Variants in ODAD2 observed in about 807,000 individuals in gnomAD.
ODAD2 encodes outer dynein arm docking complex subunit 2.
ODAD2 carries 89 observed loss-of-function variants against 106.8 expected under a neutral mutation model. That is an observed-to-expected ratio of 0.83 (90% CI 0.70 to 0.99). ODAD2 has a LOEUF of 0.99. ODAD2 is among the 50% of genes least tolerant of loss of function. The probability of loss-of-function intolerance (pLI) is 0.00; values close to 1 mark genes in which losing one functional copy is unlikely to be tolerated. For synonymous variants in ODAD2, 404 were observed against 436.2 expected, an observed-to-expected ratio of 0.93 and a Z score of 0.92; for missense variants, 1,168 against 1,238.5, an observed-to-expected ratio of 0.94 and a Z score of 0.85.
At chr10:27,977,002 C>A (rs1849232335) in intron 7 of ODAD2, among the ~76,000 whole-genome samples, 1 of 151,944 alleles carries the variant, frequency 6.6e-6, no homozygotes, top group Non-Finnish European at 1.5e-5. Flanking sequence ...AATAGATTTA[C>A]TTTTGACAAA....
intron 10 of ODAD2, among the ~76,000 whole-genome samples, chr10:27,946,073 T>C (rs1002752467): frequency 2.0e-5 from 3 of 149,178 alleles, no homozygotes; most frequent in Non-Finnish European, 3.0e-5. Context: ...AAACATTGTC[T>C]ATTTTATAAA....
At chr10:27,813,272 C>T (rs1329799117) in intron 19 of ODAD2, 2 of 152,222 alleles carry the variant, frequency 1.3e-5, no homozygotes, top group African/African-American at 4.8e-5. Context: ...TCAAAACAGA[C>T]CTAGCCAACT....
At chr10:27,896,522 T>C (rs1297916392) in intron 17 of ODAD2, among the ~76,000 whole-genome samples, 1 of 152,176 alleles carries the variant, frequency 6.6e-6, no homozygotes, top group Non-Finnish European at 1.5e-5. Flanking sequence ...CTGGATAAAA[T>C]AAGGAGGTGC....
At chr10:27,961,164 T>G (rs1848110378) in intron 10 of ODAD2, among the ~76,000 whole-genome samples, 1 of 152,194 alleles carries the variant, frequency 6.6e-6, no homozygotes, top group Non-Finnish European at 1.5e-5. Context: ...TTCTATGGGT[T>G]GAGAAAATTA....
At chr10:27,939,438 G>A (rs970501098) in intron 14 of ODAD2, among the ~76,000 whole-genome samples, 6 of 152,108 alleles carry the variant, frequency 3.9e-5, no homozygotes, top group Admixed American at 1.3e-4. Flanking sequence ...AATGCAGGCC[G>A]GGCACGGTGG....
In ODAD2 at chr10:27,872,533, A is replaced by G. The variant is rs181938708; in HGVS notation, c.2611-9911T>C. 8.0e-3 allele frequency among the ~76,000 whole-genome samples: 1,212 copies of G among 150,882 alleles called. 21 individuals are homozygous for G. Among genetic ancestry groups the G allele is most frequent in the African/African-American group, 0.028 (1,121 of 40,258 alleles). ...TTATTATTTTGAGATACGTCCCATC[A>G]ATACCTAATTTATTGAGAGTTTTTA... On this transcript the variant is annotated intron_variant, in intron 17 of 19. Transcript: ENST00000305242.
At chr10:27,878,098 T>G (rs1412049771) in intron 17 of ODAD2, among the ~76,000 whole-genome samples, 1 of 152,002 alleles carries the variant, frequency 6.6e-6, no homozygotes. Context: ...ACTTAGGAGA[T>G]TAGTAATTTT....
chr10:27,863,640 C>A (rs1230635565), intron 17 of ODAD2, among the ~76,000 whole-genome samples: 1 of 152,056 alleles, frequency 6.6e-6, no homozygotes, highest in Admixed American at 6.5e-5. Context: ...ACAAATAGCA[C>A]TGGAGGGAGG....
intron 19 of ODAD2, among the ~76,000 whole-genome samples, chr10:27,844,305 A>G (rs1288284137): frequency 1.3e-5 from 2 of 152,222 alleles, no homozygotes; most frequent in Non-Finnish European, 2.9e-5. Flanking sequence ...AGCCCTTGGG[A>G]TGGATTTTCA....
chr10:27,903,531 G>C (rs1843362980), intron 17 of ODAD2, among the ~76,000 whole-genome samples: 1 of 111,826 alleles, frequency 8.9e-6, no homozygotes, highest in African/African-American at 3.2e-5. Flanking sequence ...CAGATGGCAT[G>C]ATTGTATATT....
chr10:27,945,009 C>A, intron 10 of ODAD2, 47 bp from the exon 11 acceptor site: 2 of 1,600,524 alleles, frequency 1.2e-6, no homozygotes, highest in Admixed American at 1.7e-5. Flanking sequence ...ACCGCATTCC[C>A]ATAGAAATGC....
intron 16 of ODAD2, among the ~76,000 whole-genome samples, chr10:27,908,837 A>G (rs1458071961): frequency 6.6e-6 from 1 of 152,184 alleles, no homozygotes; most frequent in Admixed American, 6.6e-5. Flanking sequence ...TGACGCTGAA[A>G]AAGAGCATTG....
chr10:27,942,440 G>C (rs1846527403), intron 12 of ODAD2, among the ~76,000 whole-genome samples: 1 of 152,110 alleles, frequency 6.6e-6, no homozygotes, highest in African/African-American at 2.4e-5. Flanking sequence ...ATATCAGTTA[G>C]TCTATAGGAA....
At chr10:27,860,590 A>G (rs995078085) in intron 19 of ODAD2, 35 bp downstream of exon 19, 1 of 1,595,794 alleles carries the variant, frequency 6.3e-7, no homozygotes, top group Non-Finnish European at 8.6e-7. Flanking sequence ...ACATTTACCA[A>G]ACTTGGACTA....
chr10:27,878,800 T>G (rs1841518330), intron 17 of ODAD2, among the ~76,000 whole-genome samples: 1 of 152,142 alleles, frequency 6.6e-6, no homozygotes, highest in Non-Finnish European at 1.5e-5. Flanking sequence ...TTTGTTTGTG[T>G]TCCTCTATCA....
In ODAD2 at chr10:27,985,129, G is replaced by A. The variant is rs558352320; in HGVS notation, c.465C>T (p.Gly155=). 46 of 1,597,928 alleles carry A rather than the reference G, an allele frequency of 2.9e-5. No individual in the cohort carries two copies. The highest frequency in any genetic ancestry group is 3.6e-5 in the Non-Finnish European group (42 of 1,171,680). The change falls in exon 4 of 20, where the codon GGC becomes GGT. Residue 155 remains glycine (G), a synonymous_variant. Transcript: ENST00000305242. ...CAGGATCATCATCTCTGGTAATTTT[G>A]CCAAGAATATTTAATGCAATTGAGT... ...KENSIALNIL[G]KITRDDDPES...
chr10:27,815,700 C>A (rs968104537), intron 19 of ODAD2, among the ~76,000 whole-genome samples: 13 of 152,168 alleles, frequency 8.5e-5, no homozygotes, highest in Admixed American at 3.3e-4. Context: ...TTCCCCCAAA[C>A]AAAAATTGTT....
At chr10:27,872,835 T>TG (rs1589878766) in intron 17 of ODAD2, among the ~76,000 whole-genome samples, 1 of 152,208 alleles carries the variant, frequency 6.6e-6, no homozygotes, top group Non-Finnish European at 1.5e-5. Flanking sequence ...TCTGTGTCTC[T>TG]GCCAGGCTTT....
chr10:27,898,588 A>AT (rs1266812002), intron 17 of ODAD2, among the ~76,000 whole-genome samples: 6 of 152,136 alleles, frequency 3.9e-5, no homozygotes, highest in Non-Finnish European at 7.4e-5. Flanking sequence ...TCCTTCAAGG[A>AT]TTTGTATCAA....
Sources: gnomAD v4.1 joint callset for allele counts (sites outside exome capture counted in the v4.1 genomes callset) on GRCh38, gnomAD v4.1.1 for gene constraint, MANE v1.5 for transcripts, NCBI Gene and HGNC (gene_info 2026-07-23, HGNC 2026-07-21) for gene names.